The following GLI2 variants were observed in gnomAD, a reference collection of about 807,000 sequenced individuals.
The protein encoded by GLI2 is GLI family zinc finger 2, also known as transcription activator GLI2.
GLI2 carries 22 observed loss-of-function variants against 78.9 expected under a neutral mutation model. That is an observed-to-expected ratio of 0.28 (90% CI 0.20 to 0.40). The LOEUF (loss-of-function observed/expected upper bound fraction) is 0.40. Ranked by LOEUF, GLI2 falls within the 10% of genes least tolerant of loss-of-function variation. The pLI, the probability that GLI2 is intolerant of heterozygous loss-of-function variation, is 1.00. For synonymous variants in GLI2, 974 were observed against 963.7 expected (o/e 1.01, Z -0.20); for missense variants, 2,097 against 2,213.2 (o/e 0.95, Z 1.05).
chr2:120,945,293 CA>C (rs1680654556), intron 3 of GLI2, among the ~76,000 whole-genome samples: 1 of 152,252 alleles, frequency 6.6e-6, no homozygotes, highest in African/African-American at 2.4e-5. Flanking sequence ...CACACACACA[CA>C]CAAACACACA....
intron 3 of GLI2, among the ~76,000 whole-genome samples, chr2:120,942,585 G>A (rs78299860): frequency 0.028 from 4,201 of 152,252 alleles, 211 homozygotes; most frequent in African/African-American, 0.097. Flanking sequence ...CACAGGTTCC[G>A]GGGATAGAAC....
At position 120,990,401 on chromosome 2, in the gene GLI2, T is replaced by C; in HGVS notation, c.4436T>C (p.Val1479Ala). 1 of 1,614,032 alleles carries C rather than the reference T, an allele frequency of 6.2e-7. No homozygotes were observed. The highest frequency in any genetic ancestry group is 8.5e-7 in the Non-Finnish European group (1 of 1,179,992). ...QPLPSPGVNQ[V>A]SSTVDSQLLE... ...TTGCCCTCACCAGGGGTCAACCAGGTGTCCAGCACTGTGGACTCCCAGCTC... is the reference window on the plus strand; with the variant it reads ...TTGCCCTCACCAGGGGTCAACCAGGCGTCCAGCACTGTGGACTCCCAGCTC... The change falls in exon 14 of 14, where the codon GTG becomes GCG. Residue 1479 changes from valine (V) to alanine (A), a missense_variant. Physicochemically the swap from Val to Ala is moderately conservative, Grantham distance 64. Transcript: ENST00000361492.
At position 120,898,177 on chromosome 2, in the gene GLI2, A is replaced by AACACACACACACACACAC. The variant is rs55794893; in HGVS notation, c.149-29162_149-29145dup. Among the ~76,000 whole-genome samples the AACACACACACACACACAC allele has an allele frequency of 6.7e-4, 94 of 140,312 alleles. 1 individual carries two copies. The highest frequency in any genetic ancestry group is 3.6e-3 in the Middle Eastern group (1 of 274). 92.1% of individuals were successfully genotyped at this position (140,312 alleles called of 152,430 possible). Reference sequence around the variant, plus strand: ...GGCATAAGGCACTGATATAGATTAAAACACACACACACACACACACACACA... The same window carrying AACACACACACACACACAC: ...GGCATAAGGCACTGATATAGATTAAAACACACACACACACACACACACACACACACACACACACACACA... On this transcript the variant is annotated intron_variant, in intron 2 of 13. Coordinates refer to ENST00000361492, the MANE Select transcript of GLI2 (RefSeq NM_001374353.1).
intron 1 of GLI2, among the ~76,000 whole-genome samples, chr2:120,790,647 A>G (rs1355128904): frequency 3.9e-5 from 6 of 152,144 alleles, no homozygotes; most frequent in Non-Finnish European, 5.9e-5. Context: ...AAGACCCTTC[A>G]CACCTTCCTG....
intron 2 of GLI2, among the ~76,000 whole-genome samples, chr2:120,826,961 C>T (rs576539324): frequency 2.4e-4 from 37 of 152,304 alleles, no homozygotes; most frequent in African/African-American, 6.5e-4. Flanking sequence ...TAACCACTGG[C>T]GGCTCCCGGG....
chr2:120,914,121 C>T (rs1407381819), intron 2 of GLI2, among the ~76,000 whole-genome samples: 1 of 152,258 alleles, frequency 6.6e-6, no homozygotes, highest in African/African-American at 2.4e-5. Context: ...AAGGGAGAAT[C>T]ACCTGCGACA....
chr2:120,874,008 G>A (rs1216652397), intron 2 of GLI2, among the ~76,000 whole-genome samples: 1 of 152,112 alleles, frequency 6.6e-6, no homozygotes, highest in African/African-American at 2.4e-5. Context: ...AAGTCCTGGG[G>A]GTCTGGTTCC....
chr2:120,854,691 C>T (rs771661130), intron 2 of GLI2, among the ~76,000 whole-genome samples: 4 of 152,224 alleles, frequency 2.6e-5, no homozygotes, highest in Non-Finnish European at 5.9e-5. Context: ...GGCATGTGCA[C>T]CAGAATGGAC....
At chr2:120,833,629 T>C (rs1038055881) in intron 2 of GLI2, among the ~76,000 whole-genome samples, 1 of 152,068 alleles carries the variant, frequency 6.6e-6, no homozygotes, top group Non-Finnish European at 1.5e-5. Context: ...ATTTTGACTG[T>C]CCATGGACTT....
chr2:120,867,560 C>T (rs1043024464), intron 2 of GLI2, among the ~76,000 whole-genome samples: 3 of 152,206 alleles, frequency 2.0e-5, no homozygotes, highest in South Asian at 2.1e-4. Flanking sequence ...ACCGCCGCCC[C>T]TCTGGGTGCT....
At chr2:120,961,466 G>A (rs1427453234) in intron 5 of GLI2, among the ~76,000 whole-genome samples, 2 of 152,148 alleles carry the variant, frequency 1.3e-5, no homozygotes, top group Non-Finnish European at 2.9e-5. Context: ...GGTGTCTATG[G>A]GCCATCTGGT....
chr2:120,755,588 A>G (rs1683014237), intron 1 of GLI2, among the ~76,000 whole-genome samples: 3 of 152,094 alleles, frequency 2.0e-5, no homozygotes, highest in African/African-American at 4.8e-5. Context: ...TTTAGTTTTG[A>G]TGAACTCCAG....
At chr2:120,953,040 G>A (rs904218501) in intron 4 of GLI2, among the ~76,000 whole-genome samples, 1 of 152,230 alleles carries the variant, frequency 6.6e-6, no homozygotes, top group African/African-American at 2.4e-5. Flanking sequence ...TGGCAGCTGA[G>A]GGGTGCCCCC....
intron 2 of GLI2, among the ~76,000 whole-genome samples, chr2:120,799,378 G>T (rs1464286624): frequency 6.6e-6 from 1 of 152,232 alleles, no homozygotes; most frequent in East Asian, 1.9e-4. Context: ...TTGCCACAGG[G>T]CAGGTGGCCT....
intron 5 of GLI2, among the ~76,000 whole-genome samples, chr2:120,965,116 G>A (rs1681775577): frequency 6.6e-6 from 1 of 152,250 alleles, no homozygotes; most frequent in Non-Finnish European, 1.5e-5. Flanking sequence ...TACTGCATCA[G>A]AGGAGCACGC....
intron 2 of GLI2, among the ~76,000 whole-genome samples, chr2:120,827,902 T>G (rs980146416): frequency 6.6e-6 from 1 of 152,262 alleles, no homozygotes; most frequent in African/African-American, 2.4e-5. Context: ...GAGTTCATGT[T>G]GAATGGGTGC....
chr2:120,818,918 G>GCA (rs1362170388), intron 2 of GLI2, among the ~76,000 whole-genome samples: 1 of 152,108 alleles, frequency 6.6e-6, no homozygotes, highest in Non-Finnish European at 1.5e-5. Context: ...TGAAGCAGCC[G>GCA]CAGCCCCCCG....
At position 120,907,092 on chromosome 2, in the gene GLI2, G is replaced by A. The variant is rs568243957; in HGVS notation, c.149-20269G>A. On this transcript the variant is annotated intron_variant, in intron 2 of 13. Transcript: ENST00000361492. ...CATCACCAGCAGACTTGTGCCCAGC[G>A]TCATTACATCAAACAAGCCTAGTCG... is the stretch of plus-strand genomic sequence containing the variant. Among the ~76,000 whole-genome samples the A allele has an allele frequency of 2.7e-4, 41 of 152,196 alleles. No individual in the cohort carries two copies. The South Asian group carries it at 2.9e-3, about 11-fold the overall frequency.
intron 1 of GLI2, among the ~76,000 whole-genome samples, chr2:120,770,889 C>T (rs1198862389): frequency 6.6e-6 from 1 of 152,210 alleles, no homozygotes; most frequent in African/African-American, 2.4e-5. Flanking sequence ...TCTGCATGCC[C>T]ACCACACCGT....
Sources: allele counts gnomAD v4.1 joint callset (sites outside exome capture counted in the v4.1 genomes callset), GRCh38; gene constraint gnomAD v4.1.1; transcripts MANE v1.5; gene names NCBI Gene and HGNC (gene_info 2026-07-23, HGNC 2026-07-21).